The following DOK6 variants were observed in gnomAD, a reference collection of about 807,000 sequenced individuals.
The protein encoded by DOK6 is downstream of tyrosine kinase 6.
In DOK6, 22 loss-of-function variants were observed where a neutral mutation model predicts 44.0. The observed-to-expected ratio is 0.50, with a 90% CI of 0.36 to 0.71. The LOEUF is 0.71. Ranked by LOEUF, DOK6 falls within the 30% of genes least tolerant of loss-of-function variation. The pLI is 0.00. For synonymous variants in DOK6, 166 were observed against 145.5 expected (o/e 1.14, Z -1.01); for missense variants, 340 against 416.4 (o/e 0.82, Z 1.60).
intron 2 of DOK6, among the ~76,000 whole-genome samples, chr18:69,567,387 T>C (rs575522768): frequency 1.6e-4 from 24 of 152,006 alleles, no homozygotes; most frequent in South Asian, 4.2e-4. Flanking sequence ...AAGACTCAAC[T>C]GAAAAGAAAA....
At chr18:69,471,039 C>A (rs149004921) in intron 1 of DOK6, among the ~76,000 whole-genome samples, 7 of 151,744 alleles carry the variant, frequency 4.6e-5, no homozygotes, top group African/African-American at 1.7e-4. Flanking sequence ...CACCTGAGGT[C>A]GGGAGTTTGA....
rs146583104 is a variant in DOK6 at position 69,469,862 on chromosome 18, G to T, written c.66+68552G>T. The T allele has an allele frequency of 4.7e-3, 1,095 of 235,396 alleles. 14 individuals are homozygous for T. Among genetic ancestry groups the T allele is most frequent in the African/African-American group, 0.023 (982 of 42,658 alleles). The allele number at this position is 235,396 out of a possible 1,614,324, so 14.6% of individuals were successfully genotyped here. On this transcript the variant is annotated intron_variant, in intron 1 of 7. Coordinates refer to ENST00000382713, the MANE Select transcript of DOK6 (RefSeq NM_152721.6). ...GCAGCTGCCCCTTTAAGGACTGTTT[G>T]TGCCGACCCTTCCCCAGGAAGTGAC...
chr18:69,551,787 C>G (rs1982571785), intron 1 of DOK6, among the ~76,000 whole-genome samples: 1 of 152,082 alleles, frequency 6.6e-6, no homozygotes, highest in Admixed American at 6.5e-5. Flanking sequence ...GCAAAACTGT[C>G]TGATTTTAAT....
chr18:69,650,990 G>A (rs1042129241), intron 3 of DOK6, among the ~76,000 whole-genome samples: 2 of 152,168 alleles, frequency 1.3e-5, no homozygotes, highest in Non-Finnish European at 1.5e-5. Context: ...ATATGCTGCA[G>A]CCATACATTC....
At chr18:69,725,169 TAGAC>T (rs1978299686) in intron 5 of DOK6, among the ~76,000 whole-genome samples, 1 of 152,174 alleles carries the variant, frequency 6.6e-6, no homozygotes, top group African/African-American at 2.4e-5. Flanking sequence ...CTGGAGGTGG[TAGAC>T]AGAGGATAAA....
chr18:69,590,093 C>T (rs564585487), intron 2 of DOK6, among the ~76,000 whole-genome samples: 2 of 152,222 alleles, frequency 1.3e-5, no homozygotes, highest in African/African-American at 4.8e-5. Context: ...GGAATAATCA[C>T]TTAATAAATG....
intron 7 of DOK6, among the ~76,000 whole-genome samples, chr18:69,833,667 T>A (rs1428443036): frequency 6.6e-6 from 1 of 152,094 alleles, no homozygotes; most frequent in African/African-American, 2.4e-5. Flanking sequence ...TTGATTTGAC[T>A]AGGTATTAAT....
chr18:69,650,126 C>A (rs1197733243), intron 3 of DOK6, among the ~76,000 whole-genome samples: 5 of 151,946 alleles, frequency 3.3e-5, no homozygotes, highest in Admixed American at 1.3e-4. Context: ...TGTTCTTAGG[C>A]CAGTATGATA....
intron 2 of DOK6, among the ~76,000 whole-genome samples, chr18:69,567,311 C>A (rs994992563): frequency 8.6e-5 from 13 of 151,834 alleles, no homozygotes; most frequent in Admixed American, 1.3e-4. Flanking sequence ...ATAAATGTGT[C>A]TTTATTTTTT....
intron 7 of DOK6, among the ~76,000 whole-genome samples, chr18:69,835,208 A>G (rs1390418398): frequency 6.6e-6 from 1 of 152,146 alleles, no homozygotes; most frequent in Non-Finnish European, 1.5e-5. Context: ...CACGCCTGTA[A>G]TTCCAGCACT....
rs186539553 is a variant in DOK6, at chr18:69,593,157, G to C, written c.175-6227G>C. On this transcript the variant is annotated intron_variant, in intron 2 of 7. Coordinates refer to ENST00000382713, the MANE Select transcript of DOK6 (RefSeq NM_152721.6). ...AGGCTGGAAGGTAGCTTGAGGCCAA[G>C]AGTTTAAGACCAGACTGTATAACAT... is the stretch of plus-strand genomic sequence containing the variant. Among the ~76,000 whole-genome samples the C allele has an allele frequency of 2.1e-3, 322 of 152,162 alleles. 5 individuals carry two copies. The highest frequency in any genetic ancestry group is 7.6e-3 in the African/African-American group (314 of 41,524).
intron 3 of DOK6, among the ~76,000 whole-genome samples, chr18:69,656,652 AAAC>A (rs1207117850): frequency 2.6e-5 from 4 of 152,264 alleles, no homozygotes; most frequent in African/African-American, 9.6e-5. Flanking sequence ...AAGAATTTAA[AAAC>A]AACAGACTTA....
intron 1 of DOK6, among the ~76,000 whole-genome samples, chr18:69,456,120 C>T (rs1267089066): frequency 2.0e-5 from 3 of 152,148 alleles, no homozygotes; most frequent in African/African-American, 7.2e-5. Context: ...CCTCAAAACA[C>T]CCCTCTTTTT....
chr18:69,583,989 T>A (rs1210389605), intron 2 of DOK6, among the ~76,000 whole-genome samples: 1 of 150,786 alleles, frequency 6.6e-6, no homozygotes, highest in African/African-American at 2.4e-5. Flanking sequence ...GCGCCTGTAG[T>A]CCCAGCTACT....
chr18:69,456,248 A>G (rs1232779800), intron 1 of DOK6, among the ~76,000 whole-genome samples: 1 of 152,056 alleles, frequency 6.6e-6, no homozygotes, highest in Admixed American at 6.6e-5. Context: ...TTGTTACATG[A>G]GTATATTGCA....
chr18:69,716,528 A>G (rs1986885239), intron 5 of DOK6, among the ~76,000 whole-genome samples: 1 of 152,074 alleles, frequency 6.6e-6, no homozygotes, highest in South Asian at 2.1e-4. Context: ...TCATTTGTAC[A>G]GGTTCTCTTA....
intron 1 of DOK6, among the ~76,000 whole-genome samples, chr18:69,541,802 A>G (rs925619902): frequency 6.6e-6 from 1 of 151,630 alleles, no homozygotes; most frequent in South Asian, 2.1e-4. Context: ...ATGAACAGGA[A>G]AGCTTGATTT....
chr18:69,762,661 G>C (rs1027967830), intron 7 of DOK6, among the ~76,000 whole-genome samples: 1 of 152,202 alleles, frequency 6.6e-6, no homozygotes, highest in African/African-American at 2.4e-5. Flanking sequence ...TAAAGTTTAA[G>C]AGATTAAGAT....
intron 1 of DOK6, among the ~76,000 whole-genome samples, chr18:69,531,973 C>T (rs989064612): frequency 1.3e-5 from 2 of 152,030 alleles, no homozygotes; most frequent in African/African-American, 4.8e-5. Flanking sequence ...GTGGGGCCTC[C>T]ATGGTAGGAT....
Sources: gnomAD v4.1 joint callset for allele counts (sites outside exome capture counted in the v4.1 genomes callset) on GRCh38, gnomAD v4.1.1 for gene constraint, MANE v1.5 for transcripts, NCBI Gene and HGNC (gene_info 2026-07-23, HGNC 2026-07-21) for gene names.